The following WRN variants were observed in gnomAD, a reference collection of about 807,000 sequenced individuals.
WRN encodes WRN RecQ like helicase.
A neutral mutation model predicts 180.7 loss-of-function variants in WRN; 149 were observed. That is an observed-to-expected ratio of 0.82 (90% CI 0.72 to 0.94). WRN has a LOEUF of 0.94. WRN is among the 40% of genes least tolerant of loss of function. The probability of loss-of-function intolerance (pLI) is 0.00; values close to 1 mark genes in which losing one functional copy is unlikely to be tolerated. For synonymous variants in WRN, 548 were observed against 568.9 expected, an observed-to-expected ratio of 0.96 and a Z score of 0.52; for missense variants, 1,661 against 1,700.1, an observed-to-expected ratio of 0.98 and a Z score of 0.40.
intron 7 of WRN, among the ~76,000 whole-genome samples, chr8:31,071,849 A>G (rs912737832): frequency 1.3e-5 from 2 of 152,182 alleles, no homozygotes; most frequent in African/African-American, 4.8e-5. Flanking sequence ...TAATAAACCA[A>G]TGGAATTTGA....
intron 9 of WRN, among the ~76,000 whole-genome samples, chr8:31,081,633 A>T (rs937360986): frequency 2.6e-5 from 4 of 152,002 alleles, no homozygotes; most frequent in African/African-American, 7.2e-5. Flanking sequence ...GCTATTTTAT[A>T]ATTTCGTATG....
chr8:31,053,437 A>G (rs1403119549), intron 1 of WRN, among the ~76,000 whole-genome samples: 1 of 152,228 alleles, frequency 6.6e-6, no homozygotes, highest in East Asian at 1.9e-4. Flanking sequence ...ACTAAATCCA[A>G]GCTCCTACAG....
At chr8:31,082,567 T>G (rs1813357725) in intron 9 of WRN, among the ~76,000 whole-genome samples, 1 of 152,178 alleles carries the variant, frequency 6.6e-6, no homozygotes, top group African/African-American at 2.4e-5. Context: ...AGTGATATGT[T>G]TCATATAATA....
At chr8:31,063,056 A>G (rs1812553147) in intron 3 of WRN, among the ~76,000 whole-genome samples, 1 of 150,938 alleles carries the variant, frequency 6.6e-6, no homozygotes, top group Non-Finnish European at 1.5e-5. Flanking sequence ...CTAGTTTTGA[A>G]CTCCTGGCTT....
intron 10 of WRN, among the ~76,000 whole-genome samples, chr8:31,084,629 T>G (rs1813453204): frequency 6.6e-6 from 1 of 152,184 alleles, no homozygotes; most frequent in Admixed American, 6.5e-5. Context: ...AAAAGTTTCC[T>G]CATACCCAAA....
chr8:31,135,972 A>G (rs938007287), intron 24 of WRN, among the ~76,000 whole-genome samples: 2 of 152,134 alleles, frequency 1.3e-5, no homozygotes, highest in Non-Finnish European at 2.9e-5. Flanking sequence ...ACATTCCATG[A>G]TATGTCAGTT....
chr8:31,058,540 A>G lies in WRN; in HGVS notation c.93A>G (p.Arg31=), dbSNP rs1296225830. The part of the protein sequence containing the change: ...VQNKRCAVEE[R]KACVRKSVFE... The stretch of plus-strand genomic sequence containing the variant: ...ATAAAAGATGTGCTGTAGAAGAAAG[A>G]AAGGTATGTTGTTCATTGACTATTC... The change falls in exon 2 of 35, where the codon AGA becomes AGG. Residue 31 remains arginine, a synonymous_variant. Coordinates refer to ENST00000298139, the MANE Select transcript of WRN (RefSeq NM_000553.6). 1 of 1,613,594 alleles carries G rather than the reference A, an allele frequency of 6.2e-7. No individual in the cohort carries two copies. The highest frequency in any genetic ancestry group is 8.5e-7 in the Non-Finnish European group (1 of 1,179,674).
chr8:31,142,356 A>G (rs909322332), intron 26 of WRN, among the ~76,000 whole-genome samples: 3 of 152,154 alleles, frequency 2.0e-5, no homozygotes, highest in African/African-American at 7.2e-5. Flanking sequence ...TCCATATATC[A>G]TATTTACTTC....
chr8:31,049,210 CAAAAAAAAAAAAAA>C (rs72226104), intron 1 of WRN, among the ~76,000 whole-genome samples: 2 of 31,780 alleles, frequency 6.3e-5, no homozygotes, highest in Admixed American at 6.3e-4. Flanking sequence ...GACTCTGTCT[CAAAAAAAAAAAAAA>C]AAAAAAAAAA....
chr8:31,060,882 G>A (rs1328152149), intron 3 of WRN, among the ~76,000 whole-genome samples: 3 of 152,094 alleles, frequency 2.0e-5, no homozygotes, highest in African/African-American at 7.2e-5. Flanking sequence ...CCCTCCTCTG[G>A]ACACTTTAAA....
intron 1 of WRN, among the ~76,000 whole-genome samples, chr8:31,035,664 A>G (rs1188195728): frequency 6.6e-6 from 1 of 152,190 alleles, no homozygotes; most frequent in Non-Finnish European, 1.5e-5. Flanking sequence ...TTGGAGTAAG[A>G]TATCATAAAA....
chr8:31,143,641 T>A lies in WRN; in HGVS notation c.3383+18T>A, dbSNP rs772913485. 1.3e-6 allele frequency: 2 copies of A among 1,527,002 alleles called. No homozygotes were observed. Among genetic ancestry groups the A allele is most frequent in the Non-Finnish European group, 9.1e-7 (1 of 1,102,758 alleles). 94.6% of individuals were successfully genotyped at this position (1,527,002 alleles called of 1,614,324 possible). The stretch of plus-strand genomic sequence containing the variant: ...AAAAAAAGGTACAGAGTTCCATATT[T>A]CTATGTTCTATACTTGCTTTATGAG... On this transcript the variant is annotated intron_variant, in intron 28 of 34. Coordinates refer to ENST00000298139, the MANE Select transcript of WRN (RefSeq NM_000553.6).
chr8:31,100,708 A>G (rs965543563), intron 17 of WRN, 141 bp from the exon 18 acceptor site: 11 of 683,216 alleles, frequency 1.6e-5, no homozygotes, highest in African/African-American at 1.1e-4. Flanking sequence ...TTTGGTGTTA[A>G]TATGATGATA....
intron 13 of WRN, 66 bp from the exon 14 acceptor site, chr8:31,090,399 A>G: frequency 1.4e-6 from 2 of 1,457,316 alleles, no homozygotes; most frequent in East Asian, 2.3e-5. Flanking sequence ...AATTGAATGG[A>G]TTTTAATTTG....
intron 19 of WRN, among the ~76,000 whole-genome samples, chr8:31,114,157 C>T (rs1265211727): frequency 3.3e-5 from 5 of 152,120 alleles, no homozygotes; most frequent in Non-Finnish European, 5.9e-5. Flanking sequence ...GTAATTAAGG[C>T]TTCAGAGCAT....
intron 19 of WRN, among the ~76,000 whole-genome samples, chr8:31,115,334 T>A (rs924315288): frequency 6.6e-6 from 1 of 152,270 alleles, no homozygotes; most frequent in African/African-American, 2.4e-5. Context: ...ATGACTCTTG[T>A]AGTGAAATTA....
chr8:31,130,009 A>AAAAC (rs1554530228), intron 23 of WRN, among the ~76,000 whole-genome samples: 2 of 114,300 alleles, frequency 1.7e-5, no homozygotes, highest in Non-Finnish European at 3.7e-5. Flanking sequence ...TGTCTCAAAA[A>AAAAC]AAAAACAAAA....
At chr8:31,141,826 T>C in intron 26 of WRN, 51 bp downstream of exon 26, 1 of 1,547,070 alleles carries the variant, frequency 6.5e-7, no homozygotes, top group Non-Finnish European at 8.9e-7. Context: ...TGTTGCTATT[T>C]ATGTGATTCA....
chr8:31,041,584 G>A (rs1485469693), intron 1 of WRN, among the ~76,000 whole-genome samples: 1 of 152,176 alleles, frequency 6.6e-6, no homozygotes, highest in Non-Finnish European at 1.5e-5. Flanking sequence ...TAGATTTCAG[G>A]GTAAGAGCCT....
Sources: allele counts gnomAD v4.1 joint callset (sites outside exome capture counted in the v4.1 genomes callset), GRCh38; gene constraint gnomAD v4.1.1; transcripts MANE v1.5; gene names NCBI Gene and HGNC (gene_info 2026-07-23, HGNC 2026-07-21).